ARMC6: variants seen among roughly 807,000 people sequenced by gnomAD.
ARMC6 encodes the protein armadillo repeat-containing protein 6.
Under a neutral mutation model 49.2 loss-of-function variants are expected in ARMC6, and 43 were observed. The observed-to-expected ratio is 0.87, with a 90% confidence interval of 0.69 to 1.13. The LOEUF (loss-of-function observed/expected upper bound fraction) is 1.13, where lower values mean the gene tolerates loss of function less well. ARMC6 is among the 50% of genes most tolerant of loss of function. The pLI, the probability that ARMC6 is intolerant of heterozygous loss-of-function variation, is 0.00. For synonymous variants in ARMC6, 262 were observed against 289.6 expected (o/e 0.90, Z 0.97); for missense variants, 627 against 682.0 (o/e 0.92, Z 0.90).
chr19:19,055,734 G>A lies in ARMC6; in HGVS notation c.1156-57G>A. On this transcript the variant is annotated intron_variant, in intron 7 of 8. Coordinates refer to ENST00000535612, the MANE Select transcript of ARMC6 (RefSeq NM_001199196.2). The surrounding 1 kb of genome is among the most constrained non-coding windows in gnomAD (Gnocchi z 5.7). ...CACCAGGGGTTGGTGGCCATGGCAG[G>A]ATGTTGTGGGGGGTCTATCTGCTGC... 1.3e-6 allele frequency: 2 copies of A among 1,515,796 alleles called. No individual in the cohort carries two copies. The highest frequency in any genetic ancestry group is 2.3e-5 in the East Asian group (1 of 43,320). 93.9% of individuals were successfully genotyped at this position (1,515,796 alleles called of 1,614,324 possible). A position where few individuals can be genotyped will look rare whatever the true frequency, so the allele number is the denominator to read the frequency against.
chr19:19,043,470 C>G (rs1326215192), intron 3 of ARMC6, among the ~76,000 whole-genome samples: 1 of 152,152 alleles, frequency 6.6e-6, no homozygotes, highest in Non-Finnish European at 1.5e-5. Context: ...GTTCACTTCC[C>G]CATTGAACAA....
chr19:19,052,345 C>T (rs932669234), intron 5 of ARMC6, 150 bp downstream of exon 5: 60 of 723,386 alleles, frequency 8.3e-5, no homozygotes, highest in African/African-American at 2.7e-4. Flanking sequence ...TGGCAGCCCT[C>T]GTGAAGAGTC....
intron 2 of ARMC6, 134 bp downstream of exon 2, chr19:19,034,372 T>A: frequency 8.5e-7 from 1 of 1,172,388 alleles, no homozygotes; most frequent in East Asian, 2.6e-5. Flanking sequence ...CTTGGAAGGC[T>A]TAGATAGAGA....
At chr19:19,057,254 GGTAAA>G (rs1216164606) in intron 8 of ARMC6, among the ~76,000 whole-genome samples, 157 bp from the exon 9 acceptor site, 1 of 152,224 alleles carries the variant, frequency 6.6e-6, no homozygotes, top group African/African-American at 2.4e-5. Flanking sequence ...CTGCCAAGAG[GGTAAA>G]GTAGAGAGAT....
rs561287416 is a variant in ARMC6, at chr19:19,051,744, G to A, written c.402G>A (p.Lys134=). ...CCTGCCGCTTCCTCGCGGCCCAGAAGGGGGCCTACCCCATCATCTTCACTG... is the reference window on the plus strand; with the variant it reads ...CCTGCCGCTTCCTCGCGGCCCAGAAAGGGGCCTACCCCATCATCTTCACTG... ...DKACRFLAAQ[K]GAYPIIFTAW... The change falls in exon 5 of 9, where the codon AAG becomes AAA. Residue 134 remains lysine (K), a synonymous_variant. Coordinates refer to ENST00000535612, the MANE Select transcript of ARMC6 (RefSeq NM_001199196.2). 2.5e-6 allele frequency: 4 copies of A among 1,613,990 alleles called. No homozygotes were observed. In the South Asian group the frequency reaches 3.3e-5, roughly 13 times the overall value.
intron 2 of ARMC6, among the ~76,000 whole-genome samples, chr19:19,034,699 C>T (rs1307545691): frequency 6.6e-6 from 1 of 152,150 alleles, no homozygotes; most frequent in East Asian, 1.9e-4. Flanking sequence ...AGGGCTTCCC[C>T]TGCCTCAGCC....
rs756088191 is a variant in ARMC6 at position 19,057,470 on chromosome 19, A to C, written c.1348A>C (p.Lys450Gln). ...NLVAHGQAFS[K>Q]PILDLGAEAL... ...GGTGGCCCACGGCCAGGCCTTCTCG[A>C]AGCCCATCCTGGACCTGGGGGCTGA... Residue 450 changes from lysine (K) to glutamine (Q), a missense_variant, in exon 9 of 9, where the codon AAG becomes CAG. By Grantham distance (53) the Lys-to-Gln change is moderately conservative. Transcript: ENST00000535612. 6.2e-7 allele frequency: 1 copy of C among 1,614,024 alleles called. No homozygotes were observed. The highest frequency in any genetic ancestry group is 8.5e-7 in the Non-Finnish European group (1 of 1,180,008).
At chr19:19,048,518 GAA>G (rs768327379) in intron 4 of ARMC6, among the ~76,000 whole-genome samples, 1 of 119,714 alleles carries the variant, frequency 8.4e-6, no homozygotes, top group Non-Finnish European at 1.8e-5. Context: ...ATGAGACTCA[GAA>G]AAAAAAAAAA....
In ARMC6 at chr19:19,043,997, G is replaced by A. The variant is rs2059429937; in HGVS notation, c.202G>A (p.Asp68Asn). The A allele has an allele frequency of 6.2e-7, 1 of 1,614,042 alleles. No individual in the cohort carries two copies. The highest frequency in any genetic ancestry group is 8.5e-7 in the Non-Finnish European group (1 of 1,179,930). Residue 68 changes from aspartate (D) to asparagine (N), a missense_variant, in exon 4 of 9, where the codon GAT (aspartate) becomes AAT (asparagine). Coordinates refer to ENST00000535612, the MANE Select transcript of ARMC6 (RefSeq NM_001199196.2). ...GCTTCCCCCACCCCCAACAGGGGTTGATCTGAGCAACATTGTAAAGACGGC... is the reference window on the plus strand; with the variant it reads ...GCTTCCCCCACCCCCAACAGGGGTTAATCTGAGCAACATTGTAAAGACGGC... ...AVEQFESQGV[D>N]LSNIVKTAPK... is the part of the protein sequence containing the mutation.
chr19:19,034,714 G>C (rs937823792), intron 2 of ARMC6, among the ~76,000 whole-genome samples: 2 of 151,846 alleles, frequency 1.3e-5, no homozygotes, highest in Non-Finnish European at 2.9e-5. Context: ...TCAGCCTCCC[G>C]AGTAGCTGGG....
chr19:19,051,371 CTCTCTGTG>C (rs1191644784), intron 4 of ARMC6, among the ~76,000 whole-genome samples: 8 of 122,888 alleles, frequency 6.5e-5, no homozygotes, highest in East Asian at 4.5e-4. Flanking sequence ...CTCTCTCTCT[CTCTCTGTG>C]TGTGTGTGTG....
At chr19:19,037,899 G>A (rs1338840817) in intron 2 of ARMC6, among the ~76,000 whole-genome samples, 1 of 152,110 alleles carries the variant, frequency 6.6e-6, no homozygotes, top group Non-Finnish European at 1.5e-5. Context: ...ACCCATACTG[G>A]TCCAGTGGTC....
In ARMC6 at chr19:19,055,605, C is replaced by T. The variant is rs1451052366; in HGVS notation, c.1156-186C>T. On this transcript the variant is annotated intron_variant, in intron 7 of 8. Coordinates refer to ENST00000535612, the MANE Select transcript of ARMC6 (RefSeq NM_001199196.2). This position sits in a 1 kb window ranked among gnomAD's most constrained non-coding sequence, Gnocchi z 5.7. ...GCACCCTGCAAAGATCTGACCAGGC[C>T]TATTGCCCTTGTCACCCCTAAGAGC... Among the ~76,000 whole-genome samples, 2 of 152,218 alleles carry T rather than the reference C, an allele frequency of 1.3e-5. No individual in the cohort carries two copies. Among genetic ancestry groups the T allele is most frequent in the Admixed American group, 6.5e-5 (1 of 15,286 alleles).
chr19:19,046,493 A>C (rs113457764), intron 4 of ARMC6, among the ~76,000 whole-genome samples: 3 of 148,530 alleles, frequency 2.0e-5, no homozygotes, highest in African/African-American at 7.5e-5. Context: ...CACCACGCCC[A>C]GCCTATTTAT....
Position 19,055,129 on chromosome 19 carries a change from C to A in ARMC6, c.1024-136C>A. The A allele has an allele frequency of 8.6e-7, 1 of 1,159,126 alleles. No individual in the cohort carries two copies. The highest frequency in any genetic ancestry group is 1.2e-6 in the Non-Finnish European group (1 of 850,758). 71.8% of individuals were successfully genotyped at this position (1,159,126 alleles called of 1,614,324 possible). ...AGCCTGAGCCACAGGCATCTGCCAC[C>A]CCTTCTCGTTAGTCACACCCTGCAG... On this transcript the variant is annotated intron_variant, in intron 6 of 8. Coordinates refer to ENST00000535612, the MANE Select transcript of ARMC6 (RefSeq NM_001199196.2). The surrounding 1 kb of genome is among the most constrained non-coding windows in gnomAD (Gnocchi z 5.7).
At chr19:19,048,690 A>G (rs1322801340) in intron 4 of ARMC6, among the ~76,000 whole-genome samples, 1 of 152,212 alleles carries the variant, frequency 6.6e-6, no homozygotes, top group Non-Finnish European at 1.5e-5. Context: ...AGACTTAAAA[A>G]GGTGCCAGAC....
At position 19,051,853 on chromosome 19, in the gene ARMC6, G is replaced by C. The variant is rs1340440394; in HGVS notation, c.511G>C (p.Asp171His). 1 of 1,614,132 alleles carries C rather than the reference G, an allele frequency of 6.2e-7. No homozygotes were observed. Among genetic ancestry groups the C allele is most frequent in the South Asian group, 1.1e-5 (1 of 91,082 alleles). ...GTCGGTGCTGACTGATGGACAGCCAGACCTCCTGGATGCCCAGGGCCTGCA... is the reference window on the plus strand; with the variant it reads ...GTCGGTGCTGACTGATGGACAGCCACACCTCCTGGATGCCCAGGGCCTGCA... ...ALSVLTDGQPDLLDAQGLQLL... is the reference protein window; with the variant it reads ...ALSVLTDGQPHLLDAQGLQLL... The change falls in exon 5 of 9, where the codon GAC becomes CAC. Residue 171 changes from aspartate (D) to histidine (H), a missense_variant. Transcript: ENST00000535612.
intron 3 of ARMC6, among the ~76,000 whole-genome samples, 155 bp downstream of exon 3, chr19:19,043,032 G>A (rs1372244999): frequency 1.3e-5 from 2 of 152,322 alleles, no homozygotes; most frequent in South Asian, 4.1e-4. Context: ...CCCGAGGCAG[G>A]CTGGTTATCC....
intron 2 of ARMC6, 55 bp from the exon 3 acceptor site, chr19:19,042,656 C>A: frequency 1.3e-6 from 2 of 1,590,396 alleles, no homozygotes. Flanking sequence ...GTGGCCAGGC[C>A]CTGCCATTGC....
Sources: gnomAD v4.1 joint callset for allele counts (sites outside exome capture counted in the v4.1 genomes callset) on GRCh38, gnomAD v4.1.1 for gene constraint, Gnocchi (gnomAD v3.1) non-coding constraint, MANE v1.5 for transcripts, NCBI Gene and HGNC (gene_info 2026-07-23, HGNC 2026-07-21) for gene names.